Variants in SLC35D4 observed in about 807,000 individuals in gnomAD.
SLC35D4 encodes the protein solute carrier family 35 member D4.
chr18:23,304,250 C>G, the SLC35D4 span, among the ~76,000 whole-genome samples: 534 of 143,656 alleles, frequency 3.7e-3, 5 homozygotes, highest in African/African-American at 0.013. Flanking sequence ...GCACTCCAGC[C>G]TGGGTGACAG....
the SLC35D4 span, among the ~76,000 whole-genome samples, chr18:23,264,384 A>C: frequency 9.3e-6 from 1 of 107,026 alleles, no homozygotes; most frequent in Admixed American, 1.4e-4. Flanking sequence ...TTTTTTTGAG[A>C]CGGAGTCTCG....
At chr18:23,261,263 A>C in the SLC35D4 span, among the ~76,000 whole-genome samples, 14 of 152,178 alleles carry the variant, frequency 9.2e-5, no homozygotes, top group Non-Finnish European at 1.6e-4. Flanking sequence ...CAGGAGTTCA[A>C]GGCTGCAGTG....
At chr18:23,294,179 CT>C in the SLC35D4 span, among the ~76,000 whole-genome samples, 6 of 152,074 alleles carry the variant, frequency 3.9e-5, no homozygotes, top group African/African-American at 1.4e-4. Flanking sequence ...AAAGCACGTT[CT>C]TTCTTTATAG....
the SLC35D4 span, among the ~76,000 whole-genome samples, chr18:23,314,684 G>A: frequency 6.6e-6 from 1 of 152,306 alleles, no homozygotes; most frequent in South Asian, 2.1e-4. Context: ...GTCATCACCT[G>A]TACTATCAAT....
chr18:23,381,946 A>G, the SLC35D4 span, among the ~76,000 whole-genome samples: 1 of 152,206 alleles, frequency 6.6e-6, no homozygotes, highest in Admixed American at 6.5e-5. Context: ...TAAATTCATA[A>G]GAAAGTATCC....
chr18:23,434,191 T>C, the SLC35D4 span, among the ~76,000 whole-genome samples: 2 of 152,138 alleles, frequency 1.3e-5, no homozygotes, highest in Admixed American at 6.5e-5. Flanking sequence ...ACAACCTACC[T>C]GGCTCTCCCA....
the SLC35D4 span, among the ~76,000 whole-genome samples, chr18:23,422,947 G>A: frequency 2.6e-5 from 4 of 152,140 alleles, no homozygotes; most frequent in Non-Finnish European, 5.9e-5. Context: ...TAAATGACTT[G>A]AGACACCACA....
chr18:23,315,118 A>T, the SLC35D4 span, among the ~76,000 whole-genome samples: 1 of 152,280 alleles, frequency 6.6e-6, no homozygotes, highest in East Asian at 1.9e-4. Context: ...TTTTAAATGC[A>T]TATGACTCTT....
At chr18:23,410,575 C>T in the SLC35D4 span, among the ~76,000 whole-genome samples, 2 of 151,902 alleles carry the variant, frequency 1.3e-5, no homozygotes, top group South Asian at 2.1e-4. Context: ...GAGGCTGAGA[C>T]GGGCAGATCA....
At chr18:23,420,459 G>A in the SLC35D4 span, among the ~76,000 whole-genome samples, 14 of 151,926 alleles carry the variant, frequency 9.2e-5, no homozygotes, top group East Asian at 1.9e-4. Flanking sequence ...CTGCAGCCTT[G>A]ACCTCCCAGG....
At chr18:23,411,541 GAAAGAAA>G in the SLC35D4 span, among the ~76,000 whole-genome samples, 8 of 149,932 alleles carry the variant, frequency 5.3e-5, no homozygotes, top group Non-Finnish European at 8.9e-5. Context: ...AAGAAAGAAA[GAAAGAAA>G]GAAAGGTGTG....
chr18:23,376,721 CA>C, the SLC35D4 span: 1 of 452,240 alleles, frequency 2.2e-6, no homozygotes, highest in South Asian at 1.6e-5. Flanking sequence ...GAATGAGCAT[CA>C]GAGATCACCC....
the SLC35D4 span, among the ~76,000 whole-genome samples, chr18:23,302,717 C>T: frequency 1.3e-5 from 2 of 152,172 alleles, no homozygotes; most frequent in Non-Finnish European, 2.9e-5. Flanking sequence ...CACGAATATA[C>T]AAATATATGG....
chr18:23,313,393 GA>G, the SLC35D4 span, among the ~76,000 whole-genome samples: 92 of 141,342 alleles, frequency 6.5e-4, no homozygotes, highest in Admixed American at 8.4e-4. Context: ...ATAGGGAAAA[GA>G]AAAAAAAAAA....
At chr18:23,246,108 G>A in the SLC35D4 span, among the ~76,000 whole-genome samples, 5 of 151,986 alleles carry the variant, frequency 3.3e-5, no homozygotes, top group East Asian at 9.7e-4. Context: ...TACTAAAAAT[G>A]CAAAAATTAG....
At chr18:23,295,498 T>A in the SLC35D4 span, among the ~76,000 whole-genome samples, 1 of 151,912 alleles carries the variant, frequency 6.6e-6, no homozygotes, top group Non-Finnish European at 1.5e-5. Flanking sequence ...AAAAATAATA[T>A]AAATATTTTT....
the SLC35D4 span, among the ~76,000 whole-genome samples, chr18:23,409,960 G>A: frequency 3.3e-5 from 5 of 151,558 alleles, no homozygotes; most frequent in South Asian, 6.2e-4. Flanking sequence ...TAGCATTTAC[G>A]TTGTAATCTA....
chr18:23,419,084 T>G, the SLC35D4 span, among the ~76,000 whole-genome samples: 1 of 152,092 alleles, frequency 6.6e-6, no homozygotes, highest in Non-Finnish European at 1.5e-5. Context: ...CATCACAAGG[T>G]GAATGACTTA....
chr18:23,356,184 G>A, the SLC35D4 span, among the ~76,000 whole-genome samples: 1,501 of 152,310 alleles, frequency 9.9e-3, 23 homozygotes, highest in African/African-American at 0.035. This position sits in a 1 kb window ranked among gnomAD's most constrained non-coding sequence, Gnocchi z 4.1. Flanking sequence ...TTGCCTTAAG[G>A]AGCAAGAAGG....
Sources: allele counts gnomAD v4.1 joint callset (sites outside exome capture counted in the v4.1 genomes callset), GRCh38; gene constraint gnomAD v4.1.1; non-coding constraint Gnocchi (gnomAD v3.1); transcripts MANE v1.5; gene names NCBI Gene and HGNC (gene_info 2026-07-23, HGNC 2026-07-21).